LUZP2: variants seen among roughly 807,000 people sequenced by gnomAD.
LUZP2 encodes the protein leucine zipper protein 2.
LUZP2 carries 52 observed loss-of-function variants against 51.6 expected under a neutral mutation model. That is an observed-to-expected ratio of 1.01 (90% CI 0.81 to 1.27). The LOEUF (loss-of-function observed/expected upper bound fraction) is 1.27. Among genes scored for constraint, LUZP2 ranks in the 50% most tolerant of loss-of-function variants. The pLI, the probability that LUZP2 is intolerant of heterozygous loss-of-function variation, is 0.00. For synonymous variants in LUZP2, 154 were observed against 137.3 expected (o/e 1.12, Z -0.85); for missense variants, 436 against 395.4 (o/e 1.10, Z -0.87).
intron 7 of LUZP2, among the ~76,000 whole-genome samples, chr11:24,959,074 G>A (rs192227860): frequency 2.6e-4 from 39 of 152,144 alleles, no homozygotes; most frequent in African/African-American, 8.4e-4. Context: ...TAGATGTGTG[G>A]CATTATTTCT....
chr11:24,537,145 A>G (rs992486588), intron 1 of LUZP2, among the ~76,000 whole-genome samples: 5 of 151,932 alleles, frequency 3.3e-5, no homozygotes, highest in African/African-American at 1.2e-4. Flanking sequence ...TAATGGAAAT[A>G]ATAATCATGA....
chr11:25,075,218 A>G lies in LUZP2; in HGVS notation c.859-2111A>G, dbSNP rs546135966. Among the ~76,000 whole-genome samples, 87 of 152,292 alleles carry G rather than the reference A, an allele frequency of 5.7e-4. 1 individual carries two copies. Among genetic ancestry groups the G allele is most frequent in the African/African-American group, 2.1e-3 (87 of 41,578 alleles). ...TTCCTCTATGTATATAAAGGAATAC[A>G]TAGTATTAATATTCAGAATACTTAA... On this transcript the variant is annotated intron_variant, in intron 10 of 11. Transcript: ENST00000336930.
At chr11:24,540,975 G>A (rs552652076) in intron 1 of LUZP2, among the ~76,000 whole-genome samples, 28 of 152,004 alleles carry the variant, frequency 1.8e-4, no homozygotes, top group African/African-American at 6.8e-4. Context: ...ATGGCCGGCT[G>A]GCCATGGTAG....
chr11:24,796,869 G>A (rs2134107059), intron 5 of LUZP2, among the ~76,000 whole-genome samples: 1 of 152,174 alleles, frequency 6.6e-6, no homozygotes, highest in African/African-American at 2.4e-5. Flanking sequence ...CTCATTAACA[G>A]CAGAAACTCT....
intron 9 of LUZP2, among the ~76,000 whole-genome samples, chr11:24,991,818 T>C (rs1856355644): frequency 6.6e-6 from 1 of 152,056 alleles, no homozygotes; most frequent in South Asian, 2.1e-4. Context: ...CCCTGATCAT[T>C]AGTGATGTTG....
intron 9 of LUZP2, among the ~76,000 whole-genome samples, chr11:25,015,753 G>C (rs996431983): frequency 6.6e-6 from 1 of 152,040 alleles, no homozygotes; most frequent in African/African-American, 2.4e-5. Context: ...GGTTAAAATA[G>C]TGTCTACTGA....
chr11:25,051,424 A>G (rs920008806), intron 10 of LUZP2, among the ~76,000 whole-genome samples: 20 of 152,236 alleles, frequency 1.3e-4, no homozygotes, highest in Admixed American at 6.5e-5. Context: ...TGTTAATAAG[A>G]AGTATAAATA....
intron 5 of LUZP2, among the ~76,000 whole-genome samples, chr11:24,807,244 C>G (rs1219015294): frequency 1.3e-5 from 2 of 151,922 alleles, no homozygotes; most frequent in East Asian, 3.9e-4. Context: ...GGGCAGATCA[C>G]CTGAGGTCAG....
chr11:24,917,104 A>T (rs1290510229), intron 7 of LUZP2, among the ~76,000 whole-genome samples: 1 of 152,000 alleles, frequency 6.6e-6, no homozygotes, highest in Admixed American at 6.6e-5. Flanking sequence ...GCATTTTTTC[A>T]TGTGTCTGTT....
chr11:24,700,786 A>G (rs565600942), intron 1 of LUZP2, among the ~76,000 whole-genome samples: 1 of 152,156 alleles, frequency 6.6e-6, no homozygotes. Flanking sequence ...TTCTGACATT[A>G]TAATCAGTGG....
rs530905079 is a variant in LUZP2, at chr11:24,759,550, T to C, written c.334-3696T>C. On this transcript the variant is annotated intron_variant, in intron 4 of 11. Coordinates refer to ENST00000336930, the MANE Select transcript of LUZP2 (RefSeq NM_001009909.4). ...TATTTTCATTATACTTTAATTAAAG[T>C]TAATTGTTAAGTATGAACAATGCGT... Among the ~76,000 whole-genome samples, 232 of 152,286 alleles carry C rather than the reference T, an allele frequency of 1.5e-3. 1 individual carries two copies. The highest frequency in any genetic ancestry group is 4.7e-3 in the African/African-American group (194 of 41,568).
At chr11:25,057,173 G>C (rs1858714023) in intron 10 of LUZP2, among the ~76,000 whole-genome samples, 1 of 152,008 alleles carries the variant, frequency 6.6e-6, no homozygotes, top group Admixed American at 6.6e-5. Flanking sequence ...ATCCTTATTA[G>C]CTCCTTTTAA....
In LUZP2 at chr11:24,543,815, CTG is replaced by C. The variant is rs1164109930; in HGVS notation, c.62+46512_62+46513del. Among the ~76,000 whole-genome samples, 139 of 48,920 alleles carry C rather than the reference CTG, an allele frequency of 2.8e-3. 1 individual carries two copies. Among genetic ancestry groups the C allele is most frequent in the Admixed American group, 3.7e-3 (10 of 2,728 alleles). 32.1% of individuals were successfully genotyped at this position (48,920 alleles called of 152,430 possible). A position where few individuals can be genotyped will look rare whatever the true frequency, so the allele number is the denominator to read the frequency against. Reference sequence around the variant, plus strand: ...CCAGCCTGGGTGACAGACTGAGACTCTGTCTCACAAAAAAAAAAAAAAAAAAA... The same window carrying C: ...CCAGCCTGGGTGACAGACTGAGACTCTCTCACAAAAAAAAAAAAAAAAAAA... On this transcript the variant is annotated intron_variant, in intron 1 of 11. Coordinates refer to ENST00000336930, the MANE Select transcript of LUZP2 (RefSeq NM_001009909.4).
chr11:24,680,388 C>T (rs970593006), intron 1 of LUZP2, among the ~76,000 whole-genome samples: 6 of 152,164 alleles, frequency 3.9e-5, no homozygotes, highest in African/African-American at 1.2e-4. Context: ...CCACAAAGCA[C>T]GATTAACAGT....
chr11:24,947,818 C>T (rs10834551), intron 7 of LUZP2, among the ~76,000 whole-genome samples: 2 of 151,396 alleles, frequency 1.3e-5, no homozygotes, highest in African/African-American at 2.4e-5. Flanking sequence ...ATGAGAAAGC[C>T]GCTGTTGTTA....
At chr11:24,688,892 C>T (rs1445956650) in intron 1 of LUZP2, among the ~76,000 whole-genome samples, 3 of 152,104 alleles carry the variant, frequency 2.0e-5, no homozygotes, top group South Asian at 2.1e-4. Flanking sequence ...TAACCCATCT[C>T]CCAGCTAGAA....
At chr11:24,521,027 G>A (rs1590131529) in intron 1 of LUZP2, among the ~76,000 whole-genome samples, 1 of 152,318 alleles carries the variant, frequency 6.6e-6, no homozygotes, top group Non-Finnish European at 1.5e-5. Context: ...CTGTGAATGG[G>A]TGTTGCCATT....
chr11:24,872,289 G>C (rs1852103777), intron 5 of LUZP2, among the ~76,000 whole-genome samples: 1 of 152,040 alleles, frequency 6.6e-6, no homozygotes, highest in Non-Finnish European at 1.5e-5. Context: ...AAGGAGGTTT[G>C]TTCTTCTAAT....
chr11:24,656,044 T>G (rs1180313590), intron 1 of LUZP2, among the ~76,000 whole-genome samples: 3 of 152,210 alleles, frequency 2.0e-5, no homozygotes, highest in Non-Finnish European at 4.4e-5. Flanking sequence ...AAGTCGTTAT[T>G]CATTTCTCTG....
Sources: gnomAD v4.1 joint callset for allele counts (sites outside exome capture counted in the v4.1 genomes callset) on GRCh38, gnomAD v4.1.1 for gene constraint, MANE v1.5 for transcripts, NCBI Gene and HGNC (gene_info 2026-07-23, HGNC 2026-07-21) for gene names.